Variants in ZFHX3 observed in about 807,000 individuals in gnomAD.
ZFHX3 encodes the protein zinc finger homeobox protein 3.
ZFHX3 carries 42 observed loss-of-function variants against 279.1 expected under a neutral mutation model. The observed-to-expected ratio is 0.15, with a 90% confidence interval of 0.12 to 0.19. The LOEUF is 0.19. ZFHX3 is among the 10% of genes least tolerant of loss of function. The pLI, the probability that ZFHX3 is intolerant of heterozygous loss-of-function variation, is 1.00. For synonymous variants in ZFHX3, 2,293 were observed against 1,957.8 expected, an observed-to-expected ratio of 1.17 and a Z score of -4.52; for missense variants, 4,981 against 4,754.0, an observed-to-expected ratio of 1.05 and a Z score of -1.40.
At chr16:73,570,721 A>G (rs1370763129) in intron 2 of ZFHX3, among the ~76,000 whole-genome samples, 2 of 152,146 alleles carry the variant, frequency 1.3e-5, no homozygotes, top group South Asian at 4.1e-4. Flanking sequence ...CATCATTGGT[A>G]TGTTTCTATT....
intron 2 of ZFHX3, among the ~76,000 whole-genome samples, chr16:73,552,038 A>G (rs889719512): frequency 6.6e-6 from 1 of 152,098 alleles, no homozygotes; most frequent in Non-Finnish European, 1.5e-5. Flanking sequence ...TGTGAGAGAG[A>G]GAGAGACAGA....
chr16:73,339,198 A>C (rs1207096919), intron 3 of ZFHX3, among the ~76,000 whole-genome samples: 1 of 152,196 alleles, frequency 6.6e-6, no homozygotes, highest in Non-Finnish European at 1.5e-5. Flanking sequence ...CATCTCTTCC[A>C]AAGAGGCTCT....
intron 2 of ZFHX3, among the ~76,000 whole-genome samples, chr16:73,596,238 T>C (rs1192070126): frequency 6.6e-6 from 1 of 152,038 alleles, no homozygotes; most frequent in Non-Finnish European, 1.5e-5. Flanking sequence ...AGCCACATGT[T>C]AGTCTCTATC....
intron 4 of ZFHX3, among the ~76,000 whole-genome samples, chr16:73,276,897 A>G (rs1221505634): frequency 2.6e-5 from 4 of 152,210 alleles, no homozygotes; most frequent in African/African-American, 4.8e-5. Context: ...CCTTAAAACT[A>G]TCCTCTGCCA....
intron 2 of ZFHX3, among the ~76,000 whole-genome samples, chr16:73,671,365 G>C (rs1322846444): frequency 2.0e-5 from 3 of 152,212 alleles, no homozygotes; most frequent in African/African-American, 4.8e-5. Context: ...CGAGAATCCA[G>C]AGCTCTGCAA....
chr16:73,369,618 A>G (rs2016588341), intron 3 of ZFHX3, among the ~76,000 whole-genome samples: 1 of 152,202 alleles, frequency 6.6e-6, no homozygotes, highest in South Asian at 2.1e-4. Flanking sequence ...ACAAAACAGC[A>G]TGCCAGTGCT....
intron 3 of ZFHX3, among the ~76,000 whole-genome samples, chr16:73,393,186 C>T (rs1405236494): frequency 6.6e-6 from 1 of 152,176 alleles, no homozygotes; most frequent in Non-Finnish European, 1.5e-5. Context: ...TGGGCTCAAG[C>T]AATCCTTCCA....
chr16:73,409,001 C>T (rs984362134), intron 3 of ZFHX3, among the ~76,000 whole-genome samples: 2 of 152,202 alleles, frequency 1.3e-5, no homozygotes, highest in Admixed American at 6.5e-5. Context: ...GGGACTCCCA[C>T]TGTTAGTTTA....
chr16:73,737,095 A>C (rs2053616319), intron 1 of ZFHX3, among the ~76,000 whole-genome samples: 1 of 151,984 alleles, frequency 6.6e-6, no homozygotes, highest in Non-Finnish European at 1.5e-5. Context: ...GTGCAGGGGC[A>C]GCATCACAGT....
intron 3 of ZFHX3, among the ~76,000 whole-genome samples, chr16:73,366,783 C>T (rs1253410675): frequency 3.3e-5 from 5 of 152,042 alleles, no homozygotes; most frequent in Non-Finnish European, 5.9e-5. Flanking sequence ...GGTGAGAGCT[C>T]CAAGATTTCA....
At chr16:73,673,138 CTG>C (rs1440299687) in intron 2 of ZFHX3, among the ~76,000 whole-genome samples, 6 of 151,926 alleles carry the variant, frequency 3.9e-5, no homozygotes, top group Non-Finnish European at 7.4e-5. Context: ...TTAAATAAAA[CTG>C]TTTTTCAAAA....
At chr16:72,930,638 G>A (rs751621127) in intron 3 of ZFHX3, among the ~76,000 whole-genome samples, 28 of 152,276 alleles carry the variant, frequency 1.8e-4, no homozygotes, top group Non-Finnish European at 2.6e-4. Flanking sequence ...AACACAGCCA[G>A]CACTTAGCTC....
intron 5 of ZFHX3, chr16:73,232,691 G>A (rs1289491269): frequency 3.3e-5 from 5 of 152,150 alleles, no homozygotes; most frequent in Non-Finnish European, 7.3e-5. Context: ...AAGAGCTTTG[G>A]GGGGATTCCT....
chr16:72,909,992 C>T (rs184285892), intron 3 of ZFHX3, among the ~76,000 whole-genome samples: 2 of 151,888 alleles, frequency 1.3e-5, no homozygotes, highest in Admixed American at 6.6e-5. Flanking sequence ...CTTTCAATTA[C>T]GAAATGAATT....
At chr16:72,803,264 A>G (rs2036165706) in intron 7 of ZFHX3, among the ~76,000 whole-genome samples, 1 of 152,108 alleles carries the variant, frequency 6.6e-6, no homozygotes, top group African/African-American at 2.4e-5. Flanking sequence ...CCCGGGAGGC[A>G]GAGGTTGCAG....
intron 1 of ZFHX3, among the ~76,000 whole-genome samples, chr16:73,025,838 A>G (rs1466310826): frequency 6.6e-6 from 1 of 152,212 alleles, no homozygotes; most frequent in Non-Finnish European, 1.5e-5. Flanking sequence ...GCAGTCACTG[A>G]GGAAAATTGA....
At chr16:73,198,932 A>G (rs1401157656) in intron 5 of ZFHX3, among the ~76,000 whole-genome samples, 1 of 152,238 alleles carries the variant, frequency 6.6e-6, no homozygotes, top group East Asian at 1.9e-4. Flanking sequence ...ATCAAAAACA[A>G]TGACATTGGA....
intron 1 of ZFHX3, among the ~76,000 whole-genome samples, chr16:73,686,500 A>G (rs1216419240): frequency 6.6e-6 from 1 of 151,934 alleles, no homozygotes; most frequent in Non-Finnish European, 1.5e-5. Context: ...TCATGAAAAA[A>G]CTCAACTGAC....
At chr16:72,866,545 A>T (rs1262921278) in intron 4 of ZFHX3, among the ~76,000 whole-genome samples, 3 of 152,230 alleles carry the variant, frequency 2.0e-5, no homozygotes, top group African/African-American at 7.2e-5. Context: ...GACCAAGGTC[A>T]CTAAGCTCAG....
Sources: allele counts gnomAD v4.1 joint callset (sites outside exome capture counted in the v4.1 genomes callset), GRCh38; gene constraint gnomAD v4.1.1; transcripts MANE v1.5; gene names NCBI Gene and HGNC (gene_info 2026-07-23, HGNC 2026-07-21).